Variants in GAB2 observed in about 807,000 individuals in gnomAD.
GAB2 encodes the protein GRB2 associated binding protein 2, also known as GRB2-associated-binding protein 2.
Under a neutral mutation model 65.5 loss-of-function variants are expected in GAB2, and 26 were observed. That is an observed-to-expected ratio of 0.40 (90% CI 0.29 to 0.55). The LOEUF (loss-of-function observed/expected upper bound fraction) is 0.55. Among genes scored for constraint, GAB2 ranks in the 20% least tolerant of loss-of-function variants. The pLI is 0.53. For synonymous variants in GAB2, 321 were observed against 329.6 expected (o/e 0.97, Z 0.28); for missense variants, 884 against 875.8 (o/e 1.01, Z -0.12).
chr11:78,226,971 T>A lies in GAB2; in HGVS notation c.701A>T (p.Asn234Ile), dbSNP rs755129738. ...ACTGATCCCGTTGACACAGTGTCCA[T>A]TGCCCTGGGCAAGTTTTTGTACAGC... ...DTAVQKLAQG[N>I]GHCVNGISGQ... is the part of the protein sequence containing the mutation. Residue 234 changes from asparagine (N) to isoleucine (I), a missense_variant, in exon 4 of 10, where the codon AAT (asparagine) becomes ATT (isoleucine). Coordinates refer to ENST00000361507, the MANE Select transcript of GAB2 (RefSeq NM_080491.3). 4 of 1,613,686 alleles carry A rather than the reference T, an allele frequency of 2.5e-6. No homozygotes were observed. The South Asian group carries it at 4.4e-5, about 18-fold the overall frequency.
At chr11:78,392,829 C>T (rs1303419078) in intron 1 of GAB2, among the ~76,000 whole-genome samples, 1 of 152,194 alleles carries the variant, frequency 6.6e-6, no homozygotes, top group Non-Finnish European at 1.5e-5. Flanking sequence ...CTTCACATCC[C>T]AGCTCAATTA....
intron 1 of GAB2, among the ~76,000 whole-genome samples, chr11:78,376,127 T>C (rs963753900): frequency 2.6e-5 from 4 of 152,226 alleles, no homozygotes; most frequent in African/African-American, 9.6e-5. Flanking sequence ...GCAGGGAGAC[T>C]GTTTCTTCCT....
intron 1 of GAB2, among the ~76,000 whole-genome samples, chr11:78,403,322 G>A (rs530814049): frequency 2.0e-5 from 3 of 152,186 alleles, no homozygotes; most frequent in Non-Finnish European, 4.4e-5. Flanking sequence ...TTAAACTGCA[G>A]GATAATTATG....
chr11:78,255,589 T>C (rs952597663), intron 2 of GAB2, among the ~76,000 whole-genome samples: 7 of 152,160 alleles, frequency 4.6e-5, no homozygotes, highest in South Asian at 2.1e-4. Context: ...TGTGCCCCAA[T>C]AGATGAGGTT....
At chr11:78,307,176 A>C (rs1855381011) in intron 1 of GAB2, among the ~76,000 whole-genome samples, 1 of 152,216 alleles carries the variant, frequency 6.6e-6, no homozygotes, top group African/African-American at 2.4e-5. Flanking sequence ...CACTAAGAGT[A>C]GCCCATGACA....
At chr11:78,329,348 T>C (rs752073870) in intron 1 of GAB2, among the ~76,000 whole-genome samples, 21 of 152,172 alleles carry the variant, frequency 1.4e-4, no homozygotes, top group Non-Finnish European at 2.6e-4. Flanking sequence ...AGAGTACAGA[T>C]GGCCCTTTCA....
In GAB2 at chr11:78,336,326, CAAAAAAAAAAAAAAAAAAAAA is replaced by C. The variant is rs71046966; in HGVS notation, c.76-55446_76-55426del. On this transcript the variant is annotated intron_variant, in intron 1 of 9. Transcript: ENST00000361507. The stretch of plus-strand genomic sequence containing the variant: ...CGGGCGACAGAGCGAGACTGTCTCT[CAAAAAAAAAAAAAAAAAAAAA>C]AAAAAAAAAAAAAAACACAACAAGA... 3.1e-4 allele frequency among the ~76,000 whole-genome samples: 6 copies of C among 19,254 alleles called. 1 individual carries two copies. The highest frequency in any genetic ancestry group is 0.1 in the Middle Eastern group (2 of 20). 12.6% of individuals were successfully genotyped at this position (19,254 alleles called of 152,430 possible).
intron 1 of GAB2, among the ~76,000 whole-genome samples, chr11:78,349,922 TAAAAAAAAGAAAAAAAGAA>T (rs981883362): frequency 2.1e-5 from 3 of 141,848 alleles, no homozygotes; most frequent in Non-Finnish European, 4.6e-5. Flanking sequence ...ATGACAGAGG[TAAAAAAAAGAAAAAAAGAA>T]AAAAAAAAGA....
At position 78,266,489 on chromosome 11, in the gene GAB2, A is replaced by G. The variant is rs1449696183; in HGVS notation, c.376+14112T>C. Reference sequence around the variant, plus strand: ...AGAAAATCCCATATTGACCAGGAATACCCGGAGTTGATTAAAACTTACATT... The same window carrying G: ...AGAAAATCCCATATTGACCAGGAATGCCCGGAGTTGATTAAAACTTACATT... On this transcript the variant is annotated intron_variant, in intron 2 of 9. Transcript: ENST00000361507. 2.0e-5 allele frequency among the ~76,000 whole-genome samples: 3 copies of G among 152,212 alleles called. No homozygotes were observed. The East Asian group carries it at 5.8e-4, about 29-fold the overall frequency.
intron 1 of GAB2, among the ~76,000 whole-genome samples, chr11:78,297,139 A>G (rs1296730828): frequency 1.3e-5 from 2 of 152,212 alleles, no homozygotes; most frequent in African/African-American, 4.8e-5. Context: ...AGAATCTAGA[A>G]TGTGTGAATA....
At chr11:78,359,375 T>C (rs1333026077) in intron 1 of GAB2, among the ~76,000 whole-genome samples, 1 of 152,194 alleles carries the variant, frequency 6.6e-6, no homozygotes, top group African/African-American at 2.4e-5. Context: ...AATTAGACTA[T>C]CAGCTAACTC....
At chr11:78,224,489 A>G (rs952524937) in intron 5 of GAB2, among the ~76,000 whole-genome samples, 3 of 152,210 alleles carry the variant, frequency 2.0e-5, no homozygotes, top group Non-Finnish European at 4.4e-5. Flanking sequence ...AGCTGCAGTC[A>G]GAGCTTCTAC....
intron 1 of GAB2, among the ~76,000 whole-genome samples, chr11:78,336,241 G>A (rs1855995617): frequency 6.8e-6 from 1 of 146,856 alleles, no homozygotes; most frequent in Non-Finnish European, 1.5e-5. Context: ...TTGAACCTGG[G>A]AGGTGGAGGT....
intron 3 of GAB2, among the ~76,000 whole-genome samples, chr11:78,236,725 T>G (rs929918882): frequency 2.7e-4 from 41 of 152,274 alleles, no homozygotes; most frequent in African/African-American, 7.9e-4. Flanking sequence ...GAGGTTATGA[T>G]TATATTATTT....
intron 1 of GAB2, among the ~76,000 whole-genome samples, chr11:78,307,614 G>GAGAGAGAGAGAGAGAGAGAGAGAGAC (rs1554986625): frequency 6.0e-4 from 90 of 149,688 alleles, no homozygotes; most frequent in Admixed American, 2.2e-3. Context: ...TAGAGAGAGA[G>GAGAGAGAGAGAGAGAGAGAGAGAGAC]AGAGAGAGAG....
chr11:78,269,445 G>A (rs1284019145), intron 2 of GAB2, among the ~76,000 whole-genome samples: 1 of 152,154 alleles, frequency 6.6e-6, no homozygotes, highest in Non-Finnish European at 1.5e-5. Flanking sequence ...GAAGGACCAA[G>A]GTCATCAGAA....
chr11:78,250,390 T>C lies in GAB2; in HGVS notation c.387A>G (p.Arg129=). ...NQAEESTDSL[R]NVSSAGHGPR... Reference sequence around the variant, plus strand: ...GGCCATGACCGGCTGAGGAAACATTTCTCAGGGAGTCTGAAAAGGAGAAAT... The same window carrying C: ...GGCCATGACCGGCTGAGGAAACATTCCTCAGGGAGTCTGAAAAGGAGAAAT... The change falls in exon 3 of 10, where the codon AGA becomes AGG. Residue 129 remains arginine, a synonymous_variant. Coordinates refer to ENST00000361507, the MANE Select transcript of GAB2 (RefSeq NM_080491.3). 3.1e-6 allele frequency: 5 copies of C among 1,612,532 alleles called. No homozygotes were observed. Among genetic ancestry groups the C allele is most frequent in the Non-Finnish European group, 4.2e-6 (5 of 1,178,874 alleles).
At chr11:78,320,547 A>T (rs1031000336) in intron 1 of GAB2, among the ~76,000 whole-genome samples, 1 of 152,046 alleles carries the variant, frequency 6.6e-6, no homozygotes, top group Non-Finnish European at 1.5e-5. Context: ...GCTGTGTGAA[A>T]AGCTTGAGAA....
chr11:78,297,936 C>G (rs1866885347), intron 1 of GAB2, among the ~76,000 whole-genome samples: 1 of 152,128 alleles, frequency 6.6e-6, no homozygotes, highest in Non-Finnish European at 1.5e-5. Context: ...CTACCAATGG[C>G]TCCTTGTTGA....
Sources: gnomAD v4.1 joint callset for allele counts (sites outside exome capture counted in the v4.1 genomes callset) on GRCh38, gnomAD v4.1.1 for gene constraint, MANE v1.5 for transcripts, NCBI Gene and HGNC (gene_info 2026-07-23, HGNC 2026-07-21) for gene names.